The following RARB variants were observed in gnomAD, a reference collection of about 807,000 sequenced individuals.
The protein encoded by RARB is retinoic acid receptor beta, also known as HBV-activated protein.
A neutral mutation model predicts 51.9 loss-of-function variants in RARB; 17 were observed. The observed-to-expected ratio is 0.33, with a 90% CI of 0.22 to 0.49. The LOEUF is 0.49. Among genes scored for constraint, RARB ranks in the 20% least tolerant of loss-of-function variants. The pLI is 0.99. For missense variants in RARB, 369 were observed against 550.8 expected (o/e 0.67, Z 3.30); for synonymous variants, 215 against 195.4 (o/e 1.10, Z -0.84).
At chr3:24,879,484 ATTTTT>A (rs11417502) in intron 2 of RARB, among the ~76,000 whole-genome samples, 24 of 121,474 alleles carry the variant, frequency 2.0e-4, no homozygotes, top group African/African-American at 7.2e-4. Context: ...AAGGATCTCC[ATTTTT>A]TTTTTTTTTT....
At chr3:25,003,373 A>C (rs1263011680) in intron 2 of RARB, among the ~76,000 whole-genome samples, 1 of 152,150 alleles carries the variant, frequency 6.6e-6, no homozygotes, top group African/African-American at 2.4e-5. Context: ...ATTAATTTGC[A>C]CTGAAATAAC....
chr3:25,358,935 ATTTTC>A (rs1705836569), intron 5 of RARB, among the ~76,000 whole-genome samples: 1 of 150,782 alleles, frequency 6.6e-6, no homozygotes, highest in Non-Finnish European at 1.5e-5. Flanking sequence ...TTGGCCTGAA[ATTTTC>A]TTTTTTTTTT....
chr3:25,002,310 G>A (rs1217809222), intron 2 of RARB, among the ~76,000 whole-genome samples: 1 of 152,114 alleles, frequency 6.6e-6, no homozygotes, highest in Non-Finnish European at 1.5e-5. Flanking sequence ...ATCTCACTGT[G>A]AAACACAGAA....
At chr3:25,249,919 T>C (rs1373009789) in intron 5 of RARB, among the ~76,000 whole-genome samples, 3 of 152,256 alleles carry the variant, frequency 2.0e-5, no homozygotes, top group African/African-American at 7.2e-5. Context: ...CCAGGTCCTG[T>C]TGGGCCAATT....
chr3:25,176,126 A>G (rs150030065), intron 5 of RARB, among the ~76,000 whole-genome samples: 25 of 152,140 alleles, frequency 1.6e-4, no homozygotes, highest in African/African-American at 6.0e-4. Flanking sequence ...TCAGAAGCAT[A>G]TTTTGTAGAT....
At chr3:24,855,116 A>C (rs1399370573) in intron 1 of RARB, among the ~76,000 whole-genome samples, 1 of 152,184 alleles carries the variant, frequency 6.6e-6, no homozygotes, top group Non-Finnish European at 1.5e-5. Context: ...ATTAAATTTC[A>C]CATTTCAGAA....
intron 3 of RARB, among the ~76,000 whole-genome samples, chr3:25,091,674 C>T (rs542895733): frequency 6.6e-6 from 1 of 152,246 alleles, no homozygotes; most frequent in Non-Finnish European, 1.5e-5. Flanking sequence ...CATTAAAAGG[C>T]ATTTGTCACA....
At chr3:25,035,983 A>G (rs1296921072) in intron 2 of RARB, among the ~76,000 whole-genome samples, 1 of 152,244 alleles carries the variant, frequency 6.6e-6, no homozygotes, top group African/African-American at 2.4e-5. Context: ...GAGACCCTTC[A>G]TAGCAGGCAG....
intron 3 of RARB, among the ~76,000 whole-genome samples, chr3:25,115,094 C>T (rs956984335): frequency 2.0e-5 from 3 of 152,062 alleles, no homozygotes; most frequent in Non-Finnish European, 4.4e-5. Flanking sequence ...AATAATTGAG[C>T]TGTCAATTAT....
intron 4 of RARB, among the ~76,000 whole-genome samples, chr3:25,156,220 G>A (rs1307210418): frequency 2.0e-5 from 3 of 152,156 alleles, no homozygotes; most frequent in African/African-American, 4.8e-5. Context: ...ATTTGATAAC[G>A]AATGGGTCTG....
chr3:25,456,628 C>G (rs1420979125), intron 1 of RARB, among the ~76,000 whole-genome samples: 1 of 103,204 alleles, frequency 9.7e-6, no homozygotes, highest in Non-Finnish European at 1.8e-5. Context: ...AAATAAAAGA[C>G]CACTGACCAT....
At chr3:25,301,582 G>A (rs190008374) in intron 5 of RARB, among the ~76,000 whole-genome samples, 5 of 152,228 alleles carry the variant, frequency 3.3e-5, no homozygotes, top group South Asian at 2.1e-4. Context: ...TTTGTATGGA[G>A]GTGGGCCTGG....
intron 3 of RARB, among the ~76,000 whole-genome samples, chr3:25,091,086 T>C (rs1343485121): frequency 1.3e-5 from 2 of 152,186 alleles, no homozygotes; most frequent in East Asian, 3.9e-4. Context: ...CATTTGATCC[T>C]GGGGCTTGGA....
At chr3:25,456,849 C>T (rs1451711157) in intron 1 of RARB, among the ~76,000 whole-genome samples, 1 of 151,374 alleles carries the variant, frequency 6.6e-6, no homozygotes, top group Non-Finnish European at 1.5e-5. Context: ...TCATTTATGG[C>T]ATTTGCAGGA....
chr3:24,832,786 T>A (rs1702300097), intron 1 of RARB, among the ~76,000 whole-genome samples: 1 of 151,844 alleles, frequency 6.6e-6, no homozygotes, highest in Non-Finnish European at 1.5e-5. Context: ...CAGCTCTTTT[T>A]CTTACTAGTT....
chr3:25,515,348 T>G (rs1306430173), intron 3 of RARB, among the ~76,000 whole-genome samples: 2 of 152,078 alleles, frequency 1.3e-5, no homozygotes, highest in Non-Finnish European at 2.9e-5. Context: ...CAAGCCAAAG[T>G]TTGGAAAACT....
chr3:25,072,274 T>G (rs1698782622), intron 3 of RARB, among the ~76,000 whole-genome samples: 1 of 152,130 alleles, frequency 6.6e-6, no homozygotes, highest in Admixed American at 6.5e-5. Flanking sequence ...CTCAGAAGAG[T>G]AAGCATGAAA....
intron 2 of RARB, among the ~76,000 whole-genome samples, chr3:25,039,481 G>A (rs770693337): frequency 3.9e-5 from 6 of 152,140 alleles, no homozygotes; most frequent in Non-Finnish European, 8.8e-5. Flanking sequence ...TATCTCAAAT[G>A]TCCCAAGAAT....
intron 2 of RARB, among the ~76,000 whole-genome samples, chr3:25,021,339 G>C (rs886805507): frequency 2.0e-5 from 3 of 152,108 alleles, no homozygotes; most frequent in African/African-American, 7.2e-5. Flanking sequence ...GTAGAAGATT[G>C]ACTTATTTGT....
Sources: gnomAD v4.1 joint callset for allele counts (sites outside exome capture counted in the v4.1 genomes callset) on GRCh38, gnomAD v4.1.1 for gene constraint, MANE v1.5 for transcripts, NCBI Gene and HGNC (gene_info 2026-07-23, HGNC 2026-07-21) for gene names.